NPAS3: variants seen among roughly 807,000 people sequenced by gnomAD.
NPAS3 encodes the protein neuronal PAS domain protein 3.
In NPAS3, 14 loss-of-function variants were observed where a neutral mutation model predicts 73.1. The observed-to-expected ratio is 0.19, with a 90% CI of 0.13 to 0.30. The LOEUF is 0.30. NPAS3 is among the 10% of genes least tolerant of loss of function. NPAS3 has a pLI of 1.00. For missense variants in NPAS3, 1,096 were observed against 1,250.0 expected (o/e 0.88, Z 1.86); for synonymous variants, 620 against 541.5 (o/e 1.14, Z -2.01).
chr14:33,620,896 T>G (rs1215015775), intron 5 of NPAS3, among the ~76,000 whole-genome samples: 4 of 152,164 alleles, frequency 2.6e-5, no homozygotes, highest in Admixed American at 6.6e-5. Context: ...TAACAGATGC[T>G]TCTGAGAAAC....
chr14:33,425,175 G>C (rs760934331), intron 4 of NPAS3, among the ~76,000 whole-genome samples: 1 of 151,954 alleles, frequency 6.6e-6, no homozygotes. Context: ...GTGAGACCAT[G>C]GTGAAAACAT....
At chr14:33,396,190 A>G (rs2047215427) in intron 4 of NPAS3, among the ~76,000 whole-genome samples, 1 of 152,180 alleles carries the variant, frequency 6.6e-6, no homozygotes, top group Non-Finnish European at 1.5e-5. Flanking sequence ...AATATCTATA[A>G]TGAAGGCTGA....
intron 3 of NPAS3, among the ~76,000 whole-genome samples, chr14:33,293,553 T>A (rs877392): frequency 0.27 from 41,606 of 152,050 alleles, 6,372 homozygotes; most frequent in African/African-American, 0.42. Flanking sequence ...TTTTCCTTGA[T>A]CATTTTTAAG....
At chr14:33,190,112 T>C (rs1024202848) in intron 2 of NPAS3, among the ~76,000 whole-genome samples, 3 of 152,226 alleles carry the variant, frequency 2.0e-5, no homozygotes, top group Non-Finnish European at 4.4e-5. Context: ...TTCAGTATTA[T>C]TGTAATATTA....
intron 2 of NPAS3, among the ~76,000 whole-genome samples, chr14:33,149,881 A>G (rs1453839140): frequency 6.6e-6 from 1 of 152,118 alleles, no homozygotes; most frequent in African/African-American, 2.4e-5. Context: ...GGTGTGCTGC[A>G]CCCATTAACC....
chr14:33,484,870 C>T (rs1450836462), intron 4 of NPAS3, among the ~76,000 whole-genome samples: 2 of 152,162 alleles, frequency 1.3e-5, no homozygotes, highest in Non-Finnish European at 2.9e-5. Context: ...TGCAACCACG[C>T]TTCACCTGAC....
intron 9 of NPAS3, among the ~76,000 whole-genome samples, chr14:33,789,226 T>C (rs2063273175): frequency 6.6e-6 from 1 of 152,198 alleles, no homozygotes; most frequent in Admixed American, 6.5e-5. Flanking sequence ...TTCATCTCTA[T>C]AGTATTCTTC....
intron 3 of NPAS3, among the ~76,000 whole-genome samples, chr14:33,308,780 A>C (rs924829571): frequency 1.3e-5 from 2 of 151,970 alleles, no homozygotes; most frequent in African/African-American, 2.4e-5. Context: ...CATACTGGGA[A>C]GTTTTGGATA....
chr14:33,273,578 A>G (rs974106751), intron 3 of NPAS3, among the ~76,000 whole-genome samples: 1 of 152,226 alleles, frequency 6.6e-6, no homozygotes, highest in African/African-American at 2.4e-5. Context: ...AGAGATACTT[A>G]AGATTATGAC....
At chr14:33,013,663 G>A (rs1013658170) in intron 1 of NPAS3, among the ~76,000 whole-genome samples, 1 of 152,084 alleles carries the variant, frequency 6.6e-6, no homozygotes, top group African/African-American at 2.4e-5. Context: ...GATTAATAAT[G>A]TATTTTAGAA....
At chr14:33,387,094 C>T (rs945077562) in intron 4 of NPAS3, among the ~76,000 whole-genome samples, 1 of 152,166 alleles carries the variant, frequency 6.6e-6, no homozygotes, top group African/African-American at 2.4e-5. Context: ...CTTTAAGTCA[C>T]CTACCTCTCA....
chr14:33,487,024 T>C (rs2051639351), intron 4 of NPAS3, among the ~76,000 whole-genome samples: 1 of 152,074 alleles, frequency 6.6e-6, no homozygotes, highest in Non-Finnish European at 1.5e-5. Context: ...AAAGTCAAAC[T>C]CTCCCCAATA....
At chr14:32,934,920 G>C (rs1263488936), upstream of NPAS3, 2 of 1,048,818 alleles carry the variant, frequency 1.9e-6, no homozygotes, top group East Asian at 6.9e-5. This position sits in a 1 kb window ranked among gnomAD's most constrained non-coding sequence, Gnocchi z 4.1. Flanking sequence ...CGGGGGTGCC[G>C]GCCGGCGCGG....
intron 4 of NPAS3, among the ~76,000 whole-genome samples, chr14:33,544,845 T>TAAA (rs2054762533): frequency 7.7e-6 from 1 of 129,748 alleles, no homozygotes; most frequent in Non-Finnish European, 1.6e-5. Flanking sequence ...ATATATATTA[T>TAAA]ATATATGTGT....
chr14:33,219,194 A>C (rs984348171), intron 3 of NPAS3, among the ~76,000 whole-genome samples: 41 of 152,314 alleles, frequency 2.7e-4, no homozygotes, highest in African/African-American at 9.9e-4. Context: ...TTCTCCATTC[A>C]TAGTAATCTC....
chr14:33,584,114 C>T (rs549833481), intron 5 of NPAS3, among the ~76,000 whole-genome samples: 1 of 152,176 alleles, frequency 6.6e-6, no homozygotes, highest in South Asian at 2.1e-4. Flanking sequence ...TTTTTGCTGT[C>T]GTAGACATCT....
rs540774058 is a variant in NPAS3 at position 33,692,019 on chromosome 14, T to C, written c.733+15634T>C. Among the ~76,000 whole-genome samples the C allele has an allele frequency of 2.6e-5, 4 of 152,242 alleles. No individual in the cohort carries two copies. In the South Asian group the frequency reaches 8.3e-4, roughly 32 times the overall value. ...TGGTAGCAATTCAATTATAGTTTTGTGAGATAGTGAGCCCGGAGAGGGAAT... is the reference window on the plus strand; with the variant it reads ...TGGTAGCAATTCAATTATAGTTTTGCGAGATAGTGAGCCCGGAGAGGGAAT... On this transcript the variant is annotated intron_variant, in intron 6 of 11. Transcript: ENST00000356141.
chr14:32,964,218 G>A (rs2037055504), intron 1 of NPAS3, among the ~76,000 whole-genome samples: 1 of 144,170 alleles, frequency 6.9e-6, no homozygotes, highest in East Asian at 2.1e-4. Flanking sequence ...TTTGCTATAT[G>A]CATGCTATAC....
chr14:33,769,967 G>T (rs1171126368), intron 7 of NPAS3, among the ~76,000 whole-genome samples: 1 of 151,728 alleles, frequency 6.6e-6, no homozygotes, highest in Non-Finnish European at 1.5e-5. Flanking sequence ...GTCTCCCTAT[G>T]TTGCCCAAGC....
Sources: gnomAD v4.1 joint callset for allele counts (sites outside exome capture counted in the v4.1 genomes callset) on GRCh38, gnomAD v4.1.1 for gene constraint, Gnocchi (gnomAD v3.1) non-coding constraint, MANE v1.5 for transcripts, NCBI Gene and HGNC (gene_info 2026-07-23, HGNC 2026-07-21) for gene names.